Variants in NUCB1 observed in about 807,000 individuals in gnomAD.
NUCB1 encodes nucleobindin 1.
Under a neutral mutation model 61.2 loss-of-function variants are expected in NUCB1, and 47 were observed. That is an observed-to-expected ratio of 0.77 (90% confidence interval 0.61 to 0.98). The LOEUF is 0.98. Ranked by LOEUF, NUCB1 falls within the 50% of genes least tolerant of loss-of-function variation. The probability of loss-of-function intolerance (pLI) is 0.00; values close to 1 mark genes in which losing one functional copy is unlikely to be tolerated. For synonymous variants in NUCB1, 234 were observed against 243.1 expected (o/e 0.96, Z 0.35); for missense variants, 583 against 605.3 (o/e 0.96, Z 0.39).
chr19:48,913,332 A>T, intron 6 of NUCB1, 136 bp downstream of exon 6: 1 of 1,210,876 alleles, frequency 8.3e-7, no homozygotes, highest in Non-Finnish European at 1.2e-6. Context: ...TGGCTGCCCC[A>T]GGGTCTGCTG....
intron 5 of NUCB1, among the ~76,000 whole-genome samples, 153 bp downstream of exon 5, chr19:48,911,405 CT>C (rs1163076168): frequency 0.13 from 14,009 of 104,282 alleles, 638 homozygotes; most frequent in South Asian, 0.21. Flanking sequence ...CTTTTCTTTT[CT>C]TTTTTTTTTT....
At chr19:48,910,006 A>G (rs1470370590) in intron 4 of NUCB1, among the ~76,000 whole-genome samples, 4 of 152,156 alleles carry the variant, frequency 2.6e-5, no homozygotes, top group Non-Finnish European at 5.9e-5. Flanking sequence ...GGAGCGTGCA[A>G]TTTAACCCCT....
Position 48,913,494 on chromosome 19 carries a change from G to T in NUCB1, c.687G>T (p.Lys229Asn), listed in dbSNP as rs757254062. The T allele has an allele frequency of 2.5e-6, 4 of 1,614,188 alleles. No homozygotes were observed. The East Asian group carries it at 8.9e-5, about 36-fold the overall frequency. The stretch of plus-strand genomic sequence containing the variant: ...CACAGGGCAGCCAAGCCCAGTTGAA[G>T]GAGGTGTGGGAGGAGCTGGATGGAC... ...VNVPGSQAQL[K>N]EVWEELDGLD... Residue 229 changes from lysine (K) to asparagine (N), a missense_variant, in exon 7 of 13, where the codon AAG becomes AAT. Physicochemically the swap from Lys to Asn is moderately conservative, Grantham distance 94. Coordinates refer to ENST00000405315, the MANE Select transcript of NUCB1 (RefSeq NM_006184.6).
chr19:48,917,842 A>G (rs535736088), intron 7 of NUCB1, among the ~76,000 whole-genome samples: 6 of 141,922 alleles, frequency 4.2e-5, no homozygotes, highest in Non-Finnish European at 9.1e-5. Context: ...GGGTCTAGCC[A>G]TCTTTTCTAA....
intron 10 of NUCB1, among the ~76,000 whole-genome samples, chr19:48,920,718 T>C (rs1253676095): frequency 6.6e-6 from 1 of 152,112 alleles, no homozygotes; most frequent in East Asian, 1.9e-4. Flanking sequence ...AGACGGGGTT[T>C]CTCCATGTTG....
chr19:48,909,597 A>C (rs2037450446), intron 4 of NUCB1, among the ~76,000 whole-genome samples: 1 of 151,314 alleles, frequency 6.6e-6, no homozygotes, highest in East Asian at 1.9e-4. Flanking sequence ...GCTAGAGTGC[A>C]GTGGTGCGAT....
At chr19:48,901,024 A>G (rs761955255) in intron 2 of NUCB1, 93 bp downstream of exon 2, 1 of 1,445,042 alleles carries the variant, frequency 6.9e-7, no homozygotes, top group South Asian at 1.2e-5. Flanking sequence ...TGCTCCAGTG[A>G]CTTCCTGGCC....
At chr19:48,906,518 C>T (rs1163612305) in intron 4 of NUCB1, among the ~76,000 whole-genome samples, 1 of 151,848 alleles carries the variant, frequency 6.6e-6, no homozygotes, top group East Asian at 1.9e-4. Flanking sequence ...CCCAGAAGTT[C>T]AAAACCAGCC....
intron 7 of NUCB1, chr19:48,918,494 C>T (rs957905850): frequency 5.6e-6 from 3 of 534,916 alleles, no homozygotes; most frequent in African/African-American, 1.9e-5. Context: ...CATGTTTCCT[C>T]GAACCCTCCC....
intron 6 of NUCB1, 85 bp from the exon 7 acceptor site, chr19:48,913,389 G>A: frequency 1.5e-6 from 2 of 1,309,872 alleles, no homozygotes; most frequent in South Asian, 2.4e-5. Flanking sequence ...GATGATGTTT[G>A]TTGGATGAGG....
intron 1 of NUCB1, 44 bp downstream of exon 1, chr19:48,900,416 G>T: frequency 4.1e-6 from 1 of 243,932 alleles, no homozygotes; most frequent in African/African-American, 2.3e-5. Context: ...TAGGGAGGAT[G>T]GGGGCCAGAG....
At chr19:48,917,534 T>G (rs2037554930) in intron 7 of NUCB1, among the ~76,000 whole-genome samples, 1 of 152,098 alleles carries the variant, frequency 6.6e-6, no homozygotes, top group Non-Finnish European at 1.5e-5. Flanking sequence ...TCTTGCTCTG[T>G]TGCCCAGGCT....
At chr19:48,912,478 C>T (rs1220400845) in intron 5 of NUCB1, among the ~76,000 whole-genome samples, 1 of 151,980 alleles carries the variant, frequency 6.6e-6, no homozygotes, top group Non-Finnish European at 1.5e-5. Flanking sequence ...ATAACCGTCC[C>T]AATCTGTTTT....
chr19:48,909,629 C>G (rs965749928), intron 4 of NUCB1, among the ~76,000 whole-genome samples: 6 of 152,098 alleles, frequency 3.9e-5, no homozygotes, highest in Admixed American at 3.9e-4. Context: ...GCATCCTCCC[C>G]CTCCCACGCT....
chr19:48,919,474 T>G (rs2037582609), intron 10 of NUCB1, among the ~76,000 whole-genome samples, 188 bp downstream of exon 10: 2 of 150,452 alleles, frequency 1.3e-5, no homozygotes, highest in African/African-American at 4.9e-5. Flanking sequence ...TTTATTTATT[T>G]ATTTATTTAT....
rs111606719 is a variant in NUCB1 at position 48,909,249 on chromosome 19, A to ATTTT, written c.377-1890_377-1887dup. Reference sequence around the variant, plus strand: ...TTTTTTATTAATTATTATTATTATTATTTTTTTTTTTTTCCAAGACAGAGT... The same window carrying ATTTT: ...TTTTTTATTAATTATTATTATTATTATTTTTTTTTTTTTTTTTCCAAGACAGAGT... On this transcript the variant is annotated intron_variant, in intron 4 of 12. Coordinates refer to ENST00000405315, the MANE Select transcript of NUCB1 (RefSeq NM_006184.6). 2.2e-5 allele frequency among the ~76,000 whole-genome samples: 3 copies of ATTTT among 136,856 alleles called. No homozygotes were observed. In the South Asian group the frequency reaches 6.8e-4, roughly 31 times the overall value. The allele number at this position is 136,856 out of a possible 152,430, so 89.8% of individuals were successfully genotyped here. A position where few individuals can be genotyped will look rare whatever the true frequency, so the allele number is the denominator to read the frequency against.
intron 4 of NUCB1, among the ~76,000 whole-genome samples, chr19:48,908,151 GAC>G (rs1377384904): frequency 6.6e-6 from 1 of 152,092 alleles, no homozygotes; most frequent in Non-Finnish European, 1.5e-5. Context: ...TTGTTTTTGA[GAC>G]AGAGTCTCAC....
At chr19:48,903,750 ATGGATGGGTGGGTGGATGAG>A (rs2037379914) in intron 2 of NUCB1, among the ~76,000 whole-genome samples, 1 of 113,424 alleles carries the variant, frequency 8.8e-6, no homozygotes, top group Non-Finnish European at 1.8e-5. Flanking sequence ...GGGCGGGTGG[ATGGATGGGTGGGTGGATGAG>A]TGGATGGATG....
intron 2 of NUCB1, 99 bp downstream of exon 2, chr19:48,901,030 T>C (rs765481204): frequency 1.4e-6 from 2 of 1,410,948 alleles, no homozygotes; most frequent in South Asian, 2.3e-5. Context: ...AGTGACTTCC[T>C]GGCCCTACAG....
Sources: allele counts gnomAD v4.1 joint callset (sites outside exome capture counted in the v4.1 genomes callset), GRCh38; gene constraint gnomAD v4.1.1; transcripts MANE v1.5; gene names NCBI Gene and HGNC (gene_info 2026-07-23, HGNC 2026-07-21).